DHX8: variants seen among roughly 807,000 people sequenced by gnomAD.
DHX8 encodes ATP-dependent RNA helicase DHX8.
In DHX8, 67 loss-of-function variants were observed where a neutral mutation model predicts 140.7. The observed-to-expected ratio is 0.48, with a 90% CI of 0.39 to 0.58. The LOEUF (loss-of-function observed/expected upper bound fraction) is 0.58. DHX8 is among the 20% of genes least tolerant of loss of function. The pLI, the probability that DHX8 is intolerant of heterozygous loss-of-function variation, is 0.00. For missense variants in DHX8, 887 were observed against 1,550.7 expected (o/e 0.57, Z 7.19); for synonymous variants, 533 against 553.2 (o/e 0.96, Z 0.51).
At chr17:43,526,561 A>C (rs1359945494), downstream of DHX8, 1 of 1,535,520 alleles carries the variant, frequency 6.5e-7, no homozygotes, top group Non-Finnish European at 8.7e-7. Context: ...TCCAAGTTTG[A>C]GGATTTGAAC....
At chr17:43,523,167 G>A (rs1319066) in intron 22 of DHX8, among the ~76,000 whole-genome samples, 1 of 150,876 alleles carries the variant, frequency 6.6e-6, no homozygotes, top group East Asian at 1.9e-4. Context: ...ACTCTATCTA[G>A]AACCCTAATA....
chr17:43,529,578 C>A (rs946119546), downstream of DHX8: 4 of 1,614,000 alleles, frequency 2.5e-6, no homozygotes, highest in Non-Finnish European at 3.4e-6. Flanking sequence ...GTTGGGTCAT[C>A]CAGCAAGGCC....
intron 2 of DHX8, chr17:43,536,393 C>T: frequency 6.3e-7 from 1 of 1,599,264 alleles, no homozygotes; most frequent in East Asian, 2.2e-5. Flanking sequence ...ATCCTCCACT[C>T]CCTATACCCT....
chr17:43,504,622 A>C, intron 11 of DHX8, 22 bp from the exon 12 acceptor site: 1 of 1,600,412 alleles, frequency 6.2e-7, no homozygotes, highest in South Asian at 1.1e-5. Context: ...GACAATACTA[A>C]GTTGCCTGTT....
chr17:43,529,543 C>T (rs199811549), downstream of DHX8: 108 of 1,613,964 alleles, frequency 6.7e-5, no homozygotes, highest in East Asian at 2.7e-4. Context: ...TTCCCCGGCC[C>T]GTCCAGGCAA....
intron 2 of DHX8, chr17:43,533,746 C>A: frequency 1.5e-6 from 2 of 1,376,718 alleles, no homozygotes; most frequent in South Asian, 2.7e-5. Flanking sequence ...GCTAGAAAAT[C>A]CTTTCTGTTG....
Position 43,492,881 on chromosome 17 carries a change from G to A in DHX8, c.704G>A (p.Arg235Gln), listed in dbSNP as rs763284184. 8.7e-6 allele frequency: 14 copies of A among 1,614,076 alleles called. No homozygotes were observed. Among genetic ancestry groups the A allele is most frequent in the Middle Eastern group, 1.6e-4 (1 of 6,084 alleles). ...RSRSQSPPKD[R>Q]KDRDKYGERN... ...AGGAGTCAGAGTCCCCCCAAAGACC[G>A]GAAGGACCGGGACAAATATGGAGAG... Residue 235 changes from arginine to glutamine, a missense_variant, in exon 6 of 23, where the codon CGG becomes CAG. Arg to Gln is a conservative substitution (Grantham distance 43, BLOSUM62 1). This residue lies in a region of DHX8 where 304 missense variants were observed against 306.9 expected (regional missense o/e 0.99). Transcript: ENST00000262415.
intron 2 of DHX8, chr17:43,533,321 G>A: frequency 6.2e-7 from 1 of 1,613,812 alleles, no homozygotes; most frequent in Non-Finnish European, 8.5e-7. Context: ...GGGACTTGAT[G>A]GCGATTTGTC....
intron 10 of DHX8, 53 bp downstream of exon 10, chr17:43,499,012 A>G (rs1021960347): frequency 1.5e-6 from 2 of 1,369,228 alleles, no homozygotes; most frequent in Admixed American, 2.3e-5. Flanking sequence ...TTCTTTTTCT[A>G]AAGTAATGGG....
intron 3 of DHX8, chr17:43,543,904 C>CCTTGGACCA (rs1971658401): frequency 6.6e-6 from 1 of 152,112 alleles, no homozygotes; most frequent in South Asian, 2.1e-4. Context: ...AGGATCTAGT[C>CCTTGGACCA]AGGGGTCATT....
At chr17:43,510,851 C>A (rs947618053) in intron 16 of DHX8, among the ~76,000 whole-genome samples, 1 of 152,190 alleles carries the variant, frequency 6.6e-6, no homozygotes, top group African/African-American at 2.4e-5. Flanking sequence ...TTTGCCTATT[C>A]TAGACATTTC....
At chr17:43,544,731 G>A (rs763102404), downstream of DHX8, 71 of 464,710 alleles carry the variant, frequency 1.5e-4, no homozygotes, top group Non-Finnish European at 2.6e-4. Flanking sequence ...ACAATGGTCT[G>A]ATTCATCCTC....
chr17:43,489,099 G>T (rs1968348752), intron 1 of DHX8, among the ~76,000 whole-genome samples: 1 of 151,938 alleles, frequency 6.6e-6, no homozygotes, highest in Non-Finnish European at 1.5e-5. Context: ...CTGCCTCCCG[G>T]GTTCAAGTGA....
Position 43,491,203 on chromosome 17 carries a change from A to G in DHX8, c.346A>G (p.Lys116Glu). The change falls in exon 4 of 23, where the codon AAG becomes GAG. Residue 116 changes from lysine to glutamate, a missense_variant. By Grantham distance (56) the Lys-to-Glu change is moderately conservative (BLOSUM62 1). Transcript: ENST00000262415. The stretch of plus-strand genomic sequence containing the variant: ...ACCTAAAACAGAAAAAGAAAAGCTG[A>G]AGGAACTCTTCCCAGTCCTTTGCCA... The part of the protein sequence containing the change: ...VKPKTEKEKL[K>E]ELFPVLCQPD... 1 of 1,543,816 alleles carries G rather than the reference A, an allele frequency of 6.5e-7. No individual in the cohort carries two copies. The highest frequency in any genetic ancestry group is 1.3e-5 in the South Asian group (1 of 77,600).
rs1360083606 is a variant in DHX8 at position 43,500,025 on chromosome 17, A to T, written c.1468A>T (p.Lys490Ter). 2 of 1,614,208 alleles carry T rather than the reference A, an allele frequency of 1.2e-6. No individual in the cohort carries two copies. The highest frequency in any genetic ancestry group is 3.3e-5 in the Admixed American group (2 of 60,020). ...CTTGGCCAAAGAAAGGCGGGAACTCAAACAGGCCCAGCGGGAAGCTGAGAT... is the reference window on the plus strand; with the variant it reads ...CTTGGCCAAAGAAAGGCGGGAACTCTAACAGGCCCAGCGGGAAGCTGAGAT... ...SALAKERREL[K>*]QAQREAEMDS... The change falls in exon 11 of 23, where the codon AAA (lysine) becomes TAA (stop). Residue 490 changes from lysine (K) to a stop codon, truncating the protein, a stop_gained. Transcript: ENST00000262415. LOFTEE classifies it high-confidence loss of function.
chr17:43,485,801 TC>T (rs1968106756), intron 1 of DHX8, among the ~76,000 whole-genome samples: 3 of 152,256 alleles, frequency 2.0e-5, no homozygotes, highest in Admixed American at 2.0e-4. Flanking sequence ...AACTTCATAA[TC>T]TTTTAGTTTA....
chr17:43,498,847 T>C lies in DHX8; in HGVS notation c.1301-15T>C. On this transcript the variant is annotated splice_polypyrimidine_tract_variant and intron_variant, in intron 9 of 22. Transcript: ENST00000262415. ...TCTTGTTTATGGCTAATTCTTCTTT[T>C]GGGGGGACTTTTAGATGAGGACCTT... The C allele has an allele frequency of 6.3e-7, 1 of 1,582,752 alleles. No homozygotes were observed.
chr17:43,531,134 TG>T (rs1245575257), downstream of DHX8, among the ~76,000 whole-genome samples: 1 of 152,130 alleles, frequency 6.6e-6, no homozygotes, highest in Non-Finnish European at 1.5e-5. Flanking sequence ...TTGGACAGCC[TG>T]GGGGGTTGTG....
intron 16 of DHX8, among the ~76,000 whole-genome samples, chr17:43,508,939 T>C (rs925702755): frequency 1.3e-5 from 2 of 152,152 alleles, no homozygotes; most frequent in Admixed American, 6.6e-5. Flanking sequence ...AAGTCTTGTT[T>C]GTTAGGTTTC....
Sources: gnomAD v4.1 joint callset for allele counts (sites outside exome capture counted in the v4.1 genomes callset) on GRCh38, gnomAD v4.1.1 for gene constraint, gnomAD v4.1.1 regional missense constraint, MANE v1.5 for transcripts, NCBI Gene and HGNC (gene_info 2026-07-23, HGNC 2026-07-21) for gene names.